NAV3: variants seen among roughly 807,000 people sequenced by gnomAD.
The protein encoded by NAV3 is pore membrane and/or filament interacting like protein 1.
In NAV3, 87 loss-of-function variants were observed where a neutral mutation model predicts 244.7. The observed-to-expected ratio is 0.36, with a 90% CI of 0.30 to 0.42. NAV3 has a LOEUF of 0.42. Among genes scored for constraint, NAV3 ranks in the 20% least tolerant of loss-of-function variants. The pLI is 1.00. For synonymous variants in NAV3, 1,126 were observed against 1,042.2 expected (o/e 1.08, Z -1.55); for missense variants, 2,663 against 2,893.3 (o/e 0.92, Z 1.83).
At chr12:77,715,540 A>C (rs1278619782) in intron 2 of NAV3, among the ~76,000 whole-genome samples, 2 of 152,020 alleles carry the variant, frequency 1.3e-5, no homozygotes, top group African/African-American at 4.8e-5. Flanking sequence ...AATTTTTACC[A>C]AAAAATAAAT....
chr12:77,880,084 G>C (rs115007339), intron 1 of NAV3, among the ~76,000 whole-genome samples: 2,718 of 152,218 alleles, frequency 0.018, 80 homozygotes, highest in African/African-American at 0.062. Context: ...TGATTAATGA[G>C]TTTACCTTTC....
intron 1 of NAV3, among the ~76,000 whole-genome samples, chr12:77,894,952 A>G (rs1012755660): frequency 1.3e-5 from 2 of 152,208 alleles, no homozygotes; most frequent in Non-Finnish European, 2.9e-5. Flanking sequence ...CATCCAGTTC[A>G]CTACTGTGCT....
chr12:77,745,708 A>G (rs1178205118), intron 2 of NAV3, among the ~76,000 whole-genome samples: 1 of 152,078 alleles, frequency 6.6e-6, no homozygotes, highest in Admixed American at 6.6e-5. Flanking sequence ...TAAGGAGTCA[A>G]TTAGGACTGA....
Position 78,059,028 on chromosome 12 carries a change from C to T in NAV3, c.2549C>T (p.Thr850Ile). The T allele has an allele frequency of 3.1e-6, 5 of 1,609,830 alleles. No homozygotes were observed. Among genetic ancestry groups the T allele is most frequent in the Non-Finnish European group, 4.2e-6 (5 of 1,177,906 alleles). Residue 850 changes from threonine to isoleucine, a missense_variant, in exon 12 of 40, where the codon ACT (threonine) becomes ATT (isoleucine). This residue lies in a region of NAV3 where 1,521 missense variants were observed against 1,497.0 expected (regional missense o/e 1.02). Coordinates refer to ENST00000397909, the MANE Select transcript of NAV3 (RefSeq NM_001024383.2). ...ACAGATGGAGGACTTAACCTATATA[C>T]TAGAAGTCTGAACCGAATACCAGAC... is the stretch of plus-strand genomic sequence containing the variant. ...YMTDGGLNLYTRSLNRIPDTA... is the reference protein window; with the variant it reads ...YMTDGGLNLYIRSLNRIPDTA...
intron 28 of NAV3, among the ~76,000 whole-genome samples, chr12:78,178,530 G>A (rs977805893): frequency 1.3e-5 from 2 of 152,010 alleles, no homozygotes; most frequent in Non-Finnish European, 2.9e-5. Flanking sequence ...TAAAATTGTG[G>A]ATAAACTATA....
intron 12 of NAV3, among the ~76,000 whole-genome samples, chr12:78,082,511 T>G (rs1953410720): frequency 6.6e-6 from 1 of 152,166 alleles, no homozygotes; most frequent in Non-Finnish European, 1.5e-5. Flanking sequence ...AATATTTTGG[T>G]ATTTGGTTTT....
intron 2 of NAV3, among the ~76,000 whole-genome samples, chr12:77,741,148 C>CAAAAAAA: frequency 4.4e-3 from 303 of 68,506 alleles, no homozygotes; most frequent in East Asian, 7.8e-3. Context: ...AAAAAAAAGA[C>CAAAAAAA]AAAAAAAAAA....
chr12:77,855,142 A>G (rs1232321331), intron 1 of NAV3, among the ~76,000 whole-genome samples: 4 of 152,124 alleles, frequency 2.6e-5, no homozygotes, highest in Non-Finnish European at 5.9e-5. Context: ...ATAAAAATAA[A>G]AAATATATGC....
intron 12 of NAV3, among the ~76,000 whole-genome samples, chr12:78,067,649 A>G (rs1885177982): frequency 6.6e-6 from 1 of 152,062 alleles, no homozygotes; most frequent in Non-Finnish European, 1.5e-5. Context: ...TTTATTCAAG[A>G]GTCTTATATT....
chr12:77,879,681 A>G (rs901909570), intron 1 of NAV3, among the ~76,000 whole-genome samples: 1 of 87,846 alleles, frequency 1.1e-5, no homozygotes, highest in African/African-American at 4.9e-5. Flanking sequence ...GTGAAACTCC[A>G]TCTCAAAAAA....
At chr12:78,137,535 C>A (rs1461110788) in intron 19 of NAV3, among the ~76,000 whole-genome samples, 170 bp downstream of exon 19, 2 of 152,038 alleles carry the variant, frequency 1.3e-5, no homozygotes, top group South Asian at 4.1e-4. Flanking sequence ...TCTTCTATTT[C>A]TTTATGTATT....
intron 2 of NAV3, among the ~76,000 whole-genome samples, chr12:77,691,327 GTGTA>G (rs1461872572): frequency 4.0e-4 from 4 of 10,080 alleles, no homozygotes; most frequent in Non-Finnish European, 5.3e-4. Flanking sequence ...ATAAGTATTT[GTGTA>G]TGTGTGTATA....
chr12:77,800,415 G>A (rs1276438350), intron 2 of NAV3, among the ~76,000 whole-genome samples: 1 of 152,136 alleles, frequency 6.6e-6, no homozygotes, highest in African/African-American at 2.4e-5. Context: ...AAAGTTAATG[G>A]ATCCTAGCGA....
chr12:78,070,676 A>G (rs1360847983), intron 12 of NAV3, among the ~76,000 whole-genome samples: 1 of 149,434 alleles, frequency 6.7e-6, no homozygotes, highest in Non-Finnish European at 1.5e-5. Flanking sequence ...AGCATTAGGT[A>G]TATCTCCCGA....
chr12:77,625,761 C>T (rs992611076), intron 2 of NAV3, among the ~76,000 whole-genome samples: 1 of 152,184 alleles, frequency 6.6e-6, no homozygotes, highest in Non-Finnish European at 1.5e-5. Context: ...AAGTATCCTA[C>T]TCAACCAACA....
intron 1 of NAV3, among the ~76,000 whole-genome samples, chr12:77,845,854 T>C (rs1489005523): frequency 6.6e-6 from 1 of 152,074 alleles, no homozygotes; most frequent in East Asian, 1.9e-4. Context: ...GGTGTCTCCA[T>C]GTTGCTCAGG....
chr12:77,574,293 G>C (rs1187922135), intron 2 of NAV3, among the ~76,000 whole-genome samples: 1 of 152,062 alleles, frequency 6.6e-6, no homozygotes, highest in Non-Finnish European at 1.5e-5. Context: ...CAGAAACTTG[G>C]TATGTATAGA....
At chr12:78,018,223 T>C (rs1876557099) in intron 8 of NAV3, among the ~76,000 whole-genome samples, 2 of 152,070 alleles carry the variant, frequency 1.3e-5, no homozygotes, top group African/African-American at 4.8e-5. Context: ...CTGCCAAAAA[T>C]ATGCACTGCT....
intron 1 of NAV3, among the ~76,000 whole-genome samples, chr12:77,872,528 A>G (rs1037279326): frequency 6.6e-6 from 1 of 152,138 alleles, no homozygotes; most frequent in African/African-American, 2.4e-5. Flanking sequence ...AGGAGACTTT[A>G]TGCTTGGGGA....
Sources: gnomAD v4.1 joint callset for allele counts (sites outside exome capture counted in the v4.1 genomes callset) on GRCh38, gnomAD v4.1.1 for gene constraint, gnomAD v4.1.1 regional missense constraint, MANE v1.5 for transcripts, NCBI Gene and HGNC (gene_info 2026-07-23, HGNC 2026-07-21) for gene names.